Variants in SOBP observed in about 807,000 individuals in gnomAD.
The protein encoded by SOBP is sine oculis-binding protein homolog.
Under a neutral mutation model 53.6 loss-of-function variants are expected in SOBP, and 4 were observed. That is an observed-to-expected ratio of 0.07 (90% confidence interval 0.04 to 0.17). The LOEUF (loss-of-function observed/expected upper bound fraction) is 0.17, where lower values mean the gene tolerates loss of function less well. Among genes scored for constraint, SOBP ranks in the 10% least tolerant of loss-of-function variants. The pLI is 1.00. For missense variants in SOBP, 1,088 were observed against 1,204.7 expected (o/e 0.90, Z 1.43); for synonymous variants, 584 against 522.6 (o/e 1.12, Z -1.60).
intron 5 of SOBP, among the ~76,000 whole-genome samples, chr6:107,608,365 G>A (rs1325581700): frequency 3.9e-5 from 6 of 152,098 alleles, no homozygotes; most frequent in Non-Finnish European, 8.8e-5. Flanking sequence ...TTTATGTGGA[G>A]GTGCAAGGTC....
chr6:107,634,619 C>G lies in SOBP; in HGVS notation c.1775C>G (p.Ser592Cys). Residue 592 changes from serine (S) to cysteine (C), a missense_variant, in exon 6 of 7, where the codon TCC (serine) becomes TGC (cysteine). Transcript: ENST00000317357. This position sits in a 1 kb window ranked among gnomAD's most constrained non-coding sequence, Gnocchi z 4.5. ...LSPRDSKQGS[S>C]KSADSPPGCS... is the part of the protein sequence containing the mutation. ...CCCCGGGACTCCAAGCAGGGCTCGT[C>G]CAAGTCCGCGGACTCGCCCCCCGGC... 6.3e-7 allele frequency: 1 copy of G among 1,594,010 alleles called. No individual in the cohort carries two copies. Among genetic ancestry groups the G allele is most frequent in the Non-Finnish European group, 8.5e-7 (1 of 1,176,270 alleles).
At chr6:107,539,517 T>G (rs1375726023) in intron 4 of SOBP, among the ~76,000 whole-genome samples, 2 of 152,152 alleles carry the variant, frequency 1.3e-5, no homozygotes, top group African/African-American at 2.4e-5. Flanking sequence ...TTAAATCAAG[T>G]TTTTTCTCAT....
intron 5 of SOBP, among the ~76,000 whole-genome samples, chr6:107,587,789 T>C (rs1481338154): frequency 6.6e-6 from 1 of 152,180 alleles, no homozygotes; most frequent in Non-Finnish European, 1.5e-5. Flanking sequence ...CATTTTAGCA[T>C]TTACAGCCAG....
intron 4 of SOBP, among the ~76,000 whole-genome samples, chr6:107,576,407 A>G (rs1392776015): frequency 6.6e-6 from 1 of 152,210 alleles, no homozygotes; most frequent in East Asian, 1.9e-4. Context: ...TATCTTTAAG[A>G]CAAATTATAT....
At chr6:107,551,307 G>A (rs1477603814) in intron 4 of SOBP, among the ~76,000 whole-genome samples, 2 of 152,194 alleles carry the variant, frequency 1.3e-5, no homozygotes, top group Non-Finnish European at 2.9e-5. Context: ...TAGAATATCA[G>A]TGTTTAGTAA....
At chr6:107,496,170 G>C (rs1291011830) in intron 1 of SOBP, among the ~76,000 whole-genome samples, 3 of 152,202 alleles carry the variant, frequency 2.0e-5, no homozygotes, top group Non-Finnish European at 4.4e-5. Context: ...ATTAAGGCCA[G>C]TGACTTTGGC....
At chr6:107,571,598 A>G (rs999148452) in intron 4 of SOBP, among the ~76,000 whole-genome samples, 1 of 152,202 alleles carries the variant, frequency 6.6e-6, no homozygotes, top group African/African-American at 2.4e-5. Flanking sequence ...AACTGTGACT[A>G]AGGAACATGA....
chr6:107,625,223 T>G lies in SOBP; in HGVS notation c.670-8291T>G, dbSNP rs372908876. Among the ~76,000 whole-genome samples, 4 of 152,312 alleles carry G rather than the reference T, an allele frequency of 2.6e-5. No individual in the cohort carries two copies. The East Asian group carries it at 5.8e-4, about 22-fold the overall frequency. On this transcript the variant is annotated intron_variant, in intron 5 of 6. Transcript: ENST00000317357. ...CTGGGGCTTGCAGTAGTCACAATAA[T>G]AAAAGCCATGACTTTCATTAGAGTG...
intron 1 of SOBP, among the ~76,000 whole-genome samples, chr6:107,500,584 C>G (rs531748808): frequency 5.3e-5 from 8 of 151,688 alleles, no homozygotes; most frequent in South Asian, 4.2e-4. Flanking sequence ...TGCAGTGGCG[C>G]GATCTCGGCT....
intron 4 of SOBP, among the ~76,000 whole-genome samples, chr6:107,543,115 A>T (rs1180392890): frequency 6.6e-6 from 1 of 152,188 alleles, no homozygotes; most frequent in Non-Finnish European, 1.5e-5. Flanking sequence ...AGGATTTTTA[A>T]TACAAGTAAC....
intron 5 of SOBP, among the ~76,000 whole-genome samples, chr6:107,619,889 G>C (rs1786941454): frequency 2.0e-5 from 3 of 152,152 alleles, no homozygotes; most frequent in Admixed American, 2.0e-4. Context: ...GATTAGGCAG[G>C]GACCTTGAAG....
intron 1 of SOBP, among the ~76,000 whole-genome samples, chr6:107,497,052 G>T (rs1385540259): frequency 2.0e-5 from 3 of 152,206 alleles, no homozygotes; most frequent in East Asian, 3.8e-4. Flanking sequence ...CAAGGCTTCT[G>T]CCTGTCTTCT....
intron 4 of SOBP, among the ~76,000 whole-genome samples, chr6:107,571,522 C>A (rs572683468): frequency 6.6e-6 from 1 of 152,276 alleles, no homozygotes; most frequent in South Asian, 2.1e-4. Context: ...CATCACTTTG[C>A]AATGGTGGCA....
At chr6:107,515,520 G>A (rs1783292160) in intron 3 of SOBP, among the ~76,000 whole-genome samples, 1 of 152,144 alleles carries the variant, frequency 6.6e-6, no homozygotes, top group Middle Eastern at 3.2e-3. Context: ...AGGCCGAGGT[G>A]GAGGGATCAC....
chr6:107,617,131 T>C (rs1316253991), intron 5 of SOBP, among the ~76,000 whole-genome samples: 1 of 152,196 alleles, frequency 6.6e-6, no homozygotes, highest in Non-Finnish European at 1.5e-5. Flanking sequence ...AAACAGGTGA[T>C]CCCTTAATGA....
chr6:107,634,932 C>A lies in SOBP; in HGVS notation c.2088C>A (p.Gly696=). Residue 696 remains glycine, a synonymous_variant, in exon 6 of 7, where the codon GGC becomes GGA. Transcript: ENST00000317357. This position sits in a 1 kb window ranked among gnomAD's most constrained non-coding sequence, Gnocchi z 4.5. ...ERRTCGGCRD[G]HCSPPAAGDP... is the part of the protein sequence containing the mutation. ...GGACCTGCGGCGGCTGCAGGGACGG[C>A]CACTGCAGCCCGCCCGCCGCCGGCG... The A allele has an allele frequency of 1.8e-6, 2 of 1,109,680 alleles. No individual in the cohort carries two copies. Among genetic ancestry groups the A allele is most frequent in the Non-Finnish European group, 2.2e-6 (2 of 911,678 alleles). The allele number at this position is 1,109,680 out of a possible 1,614,324, so 68.7% of individuals were successfully genotyped here.
intron 1 of SOBP, among the ~76,000 whole-genome samples, chr6:107,500,799 A>G (rs1222230870): frequency 1.3e-5 from 2 of 152,198 alleles, no homozygotes; most frequent in Admixed American, 6.5e-5. Flanking sequence ...TGCTGGGATT[A>G]CAGGTCTGAG....
At chr6:107,624,247 G>A (rs767218864) in intron 5 of SOBP, among the ~76,000 whole-genome samples, 1 of 152,212 alleles carries the variant, frequency 6.6e-6, no homozygotes, top group African/African-American at 2.4e-5. Flanking sequence ...CTCTCTGCTA[G>A]TCAGGCTACT....
At chr6:107,532,532 G>A (rs916101809) in intron 3 of SOBP, among the ~76,000 whole-genome samples, 1 of 151,830 alleles carries the variant, frequency 6.6e-6, no homozygotes, top group African/African-American at 2.4e-5. Flanking sequence ...AAAATCCTTT[G>A]TTTTAAGCAG....
Sources: gnomAD v4.1 joint callset for allele counts (sites outside exome capture counted in the v4.1 genomes callset) on GRCh38, gnomAD v4.1.1 for gene constraint, Gnocchi (gnomAD v3.1) non-coding constraint, MANE v1.5 for transcripts, NCBI Gene and HGNC (gene_info 2026-07-23, HGNC 2026-07-21) for gene names.